Variants in CCNY observed in about 807,000 individuals in gnomAD.
The protein encoded by CCNY is cyclin Y.
Under a neutral mutation model 42.8 loss-of-function variants are expected in CCNY, and 19 were observed. That is an observed-to-expected ratio of 0.44 (90% CI 0.31 to 0.65). The LOEUF (loss-of-function observed/expected upper bound fraction) is 0.65. Among genes scored for constraint, CCNY ranks in the 30% least tolerant of loss-of-function variants. CCNY has a pLI of 0.07. For synonymous variants in CCNY, 165 were observed against 162.7 expected, an observed-to-expected ratio of 1.01 and a Z score of -0.11; for missense variants, 370 against 437.3, an observed-to-expected ratio of 0.85 and a Z score of 1.37.
At chr10:35,310,530 G>A (rs551956731) in intron 3 of CCNY, among the ~76,000 whole-genome samples, 32 of 152,250 alleles carry the variant, frequency 2.1e-4, no homozygotes, top group African/African-American at 7.7e-4. Flanking sequence ...CACCAACAGT[G>A]TATATCCCCT....
intron 1 of CCNY, among the ~76,000 whole-genome samples, chr10:35,406,450 T>G (rs547996102): frequency 1.3e-5 from 2 of 151,880 alleles, no homozygotes; most frequent in Non-Finnish European, 2.9e-5. Context: ...CATGCTGCCT[T>G]CAAGCGTCTG....
upstream of CCNY, chr10:35,336,034 C>CG (rs1255211907): frequency 2.0e-5 from 3 of 152,438 alleles, no homozygotes; most frequent in East Asian, 5.8e-4. Context: ...GCCGAGATTG[C>CG]GCCACTGCCC....
rs763359560 is a variant in CCNY, at chr10:35,337,156, G to C, written c.103G>C (p.Glu35Gln). Reference protein sequence around the residue: ...SYRPDTDLSREDTGCNLQHIS... With the variant: ...SYRPDTDLSRQDTGCNLQHIS... ...CCGGCCAGACACGGACCTGAGCCGC[G>C]AGGACACGGGCTGCAACCTGCAGCA... Residue 35 changes from glutamate to glutamine, a missense_variant, in exon 1 of 10, where the codon GAG becomes CAG. By Grantham distance (29) the Glu-to-Gln change is conservative (BLOSUM62 2). Transcript: ENST00000374704. 1.3e-6 allele frequency: 2 copies of C among 1,581,456 alleles called. No homozygotes were observed. Among genetic ancestry groups the C allele is most frequent in the Non-Finnish European group, 1.7e-6 (2 of 1,166,162 alleles).
At chr10:35,510,375 T>C (rs1245228454) in intron 3 of CCNY, among the ~76,000 whole-genome samples, 10 of 152,132 alleles carry the variant, frequency 6.6e-5, no homozygotes, top group African/African-American at 2.4e-4. Context: ...TCACCACACC[T>C]GGCTAATTTA....
At chr10:35,535,240 G>T (rs1840860582) in intron 7 of CCNY, among the ~76,000 whole-genome samples, 1 of 151,990 alleles carries the variant, frequency 6.6e-6, no homozygotes, top group Admixed American at 6.5e-5. Flanking sequence ...GGGGGTGGTT[G>T]TCAGTCAGCT....
intron 1 of CCNY, among the ~76,000 whole-genome samples, chr10:35,428,366 G>T (rs555068083): frequency 6.6e-6 from 1 of 152,158 alleles, no homozygotes; most frequent in Non-Finnish European, 1.5e-5. Context: ...GTGGTGGTAG[G>T]GGGTGTTCTG....
At chr10:35,266,882 G>A (rs893328738) in intron 3 of CCNY, among the ~76,000 whole-genome samples, 3 of 151,840 alleles carry the variant, frequency 2.0e-5, no homozygotes, top group African/African-American at 4.8e-5. Flanking sequence ...TCAGGAGTTC[G>A]AGACCAGCCT....
chr10:35,415,551 A>G (rs1347642560), intron 1 of CCNY, among the ~76,000 whole-genome samples: 2 of 151,916 alleles, frequency 1.3e-5, no homozygotes, highest in Admixed American at 6.6e-5. Flanking sequence ...AGCCTGGGTA[A>G]TGGTAGGATT....
At chr10:35,290,533 T>C (rs375219517) in intron 3 of CCNY, among the ~76,000 whole-genome samples, 4 of 152,354 alleles carry the variant, frequency 2.6e-5, no homozygotes, top group East Asian at 1.9e-4. Context: ...TTTTTTATTG[T>C]TTTTTATAAT....
chr10:35,374,801 A>T (rs1230048127), intron 1 of CCNY, among the ~76,000 whole-genome samples: 1 of 152,214 alleles, frequency 6.6e-6, no homozygotes, highest in Admixed American at 6.5e-5. Flanking sequence ...AAAAAAGGGG[A>T]TGGAAAATGA....
chr10:35,571,153 G>A lies in CCNY; in HGVS notation c.*1983G>A, dbSNP rs1054125624. On this transcript the variant is annotated 3_prime_UTR_variant, in exon 10 of 10. Coordinates refer to ENST00000374704, the MANE Select transcript of CCNY (RefSeq NM_145012.6). ...TTAAACATAAATTAGTTCCTCTCCA[G>A]TGAAGTATCTTATTTTACCAATCCA... The A allele has an allele frequency of 2.0e-5, 3 of 152,144 alleles. No individual in the cohort carries two copies. The highest frequency in any genetic ancestry group is 7.2e-5 in the African/African-American group (3 of 41,438). 9.4% of individuals were successfully genotyped at this position (152,144 alleles called of 1,614,324 possible). A position where few individuals can be genotyped will look rare whatever the true frequency, so the allele number is the denominator to read the frequency against.
chr10:35,450,515 T>C (rs1250286197), intron 1 of CCNY, among the ~76,000 whole-genome samples: 1 of 152,054 alleles, frequency 6.6e-6, no homozygotes, highest in Non-Finnish European at 1.5e-5. Flanking sequence ...AGTTGTCAGC[T>C]TCTTGAGCTG....
At chr10:35,330,756 ATTTTTTT>A (rs1247357767) in intron 3 of CCNY, among the ~76,000 whole-genome samples, 1 of 142,726 alleles carries the variant, frequency 7.0e-6, no homozygotes, top group African/African-American at 2.6e-5. Context: ...GGCAGCTTTT[ATTTTTTT>A]TTTTTTTTTG....
At chr10:35,431,856 A>G (rs376479681) in intron 1 of CCNY, among the ~76,000 whole-genome samples, 1 of 151,990 alleles carries the variant, frequency 6.6e-6, no homozygotes, top group African/African-American at 2.4e-5. Flanking sequence ...TTTTTCTCCT[A>G]GCCTCTAAAC....
chr10:35,374,486 T>G (rs556313003), intron 1 of CCNY, among the ~76,000 whole-genome samples: 2 of 152,304 alleles, frequency 1.3e-5, no homozygotes, highest in African/African-American at 4.8e-5. Context: ...TGAGTACATA[T>G]TAATTTTTAG....
chr10:35,521,146 T>C (rs1212387528), intron 4 of CCNY, among the ~76,000 whole-genome samples: 1 of 152,244 alleles, frequency 6.6e-6, no homozygotes, highest in Non-Finnish European at 1.5e-5. Context: ...TTTTGTTTTC[T>C]TGTGCAAGAA....
chr10:35,465,616 A>G lies in CCNY; in HGVS notation c.155-17788A>G, dbSNP rs1398176512. On this transcript the variant is annotated intron_variant, in intron 1 of 9. Coordinates refer to ENST00000374704, the MANE Select transcript of CCNY (RefSeq NM_145012.6). ...CACCTTGCATGCTTTCCTTACCCACAGCTTTTCTTCTTCAACTGTCTTGCC... is the reference window on the plus strand; with the variant it reads ...CACCTTGCATGCTTTCCTTACCCACGGCTTTTCTTCTTCAACTGTCTTGCC... Among the ~76,000 whole-genome samples the G allele has an allele frequency of 5.3e-5, 8 of 152,096 alleles. No individual in the cohort carries two copies. The East Asian group carries it at 1.5e-3, about 29-fold the overall frequency.
chr10:35,555,350 AT>A (rs1468741267), intron 8 of CCNY, among the ~76,000 whole-genome samples: 1 of 152,188 alleles, frequency 6.6e-6, no homozygotes, highest in African/African-American at 2.4e-5. Flanking sequence ...CTCTCTTTAA[AT>A]AAAAAGATAG....
intron 1 of CCNY, among the ~76,000 whole-genome samples, chr10:35,453,772 T>C (rs1302393051): frequency 6.6e-6 from 1 of 152,208 alleles, no homozygotes; most frequent in Admixed American, 6.5e-5. Flanking sequence ...CTGGGCAATA[T>C]TTCTAGTAAC....
Sources: allele counts gnomAD v4.1 joint callset (sites outside exome capture counted in the v4.1 genomes callset), GRCh38; gene constraint gnomAD v4.1.1; transcripts MANE v1.5; gene names NCBI Gene and HGNC (gene_info 2026-07-23, HGNC 2026-07-21).